The following PCDHGA10 variants were observed in gnomAD, a reference collection of about 807,000 sequenced individuals.
PCDHGA10 encodes protocadherin gamma subfamily A, 10, also known as protocadherin gamma-A10.
PCDHGA10 carries 42 observed loss-of-function variants against 59.5 expected under a neutral mutation model. The observed-to-expected ratio is 0.71, with a 90% CI of 0.55 to 0.91. PCDHGA10 has a LOEUF of 0.91. Among genes scored for constraint, PCDHGA10 ranks in the 40% least tolerant of loss-of-function variants. The pLI, the probability that PCDHGA10 is intolerant of heterozygous loss-of-function variation, is 0.00. For synonymous variants in PCDHGA10, 511 were observed against 517.2 expected (o/e 0.99, Z 0.16); for missense variants, 1,111 against 1,198.2 (o/e 0.93, Z 1.07).
intron 1 of PCDHGA10, chr5:141,422,014 C>T (rs1472942387): frequency 1.9e-6 from 3 of 1,610,040 alleles, no homozygotes; most frequent in African/African-American, 1.3e-5. Flanking sequence ...AACTCGGGTG[C>T]TGATGGTTAA....
At chr5:141,419,259 CG>C in intron 1 of PCDHGA10, 1 of 1,614,016 alleles carries the variant, frequency 6.2e-7, no homozygotes, top group Non-Finnish European at 8.5e-7. Context: ...AACAACCAGC[CG>C]GGTGCCTCCA....
chr5:141,477,502 C>A lies in PCDHGA10; in HGVS notation c.2437-17305C>A, dbSNP rs2099412065. On this transcript the variant is annotated intron_variant, in intron 1 of 3. Coordinates refer to ENST00000398610, the MANE Select transcript of PCDHGA10 (RefSeq NM_018913.3). This position sits in a 1 kb window ranked among gnomAD's most constrained non-coding sequence, Gnocchi z 4.9. ...CTCCACAATCTTCTCAATCTTCCTA[C>A]GACGTTTACATTGAAGAAAACAACC... The A allele has an allele frequency of 9.3e-6, 15 of 1,614,026 alleles. No homozygotes were observed. The highest frequency in any genetic ancestry group is 1.3e-5 in the Non-Finnish European group (15 of 1,180,026).
intron 3 of PCDHGA10, among the ~76,000 whole-genome samples, chr5:141,509,265 C>G (rs1296179995): frequency 1.3e-5 from 2 of 152,138 alleles, no homozygotes; most frequent in African/African-American, 4.8e-5. Flanking sequence ...TTTAGTCACT[C>G]TCGCTACCCG....
intron 1 of PCDHGA10, among the ~76,000 whole-genome samples, chr5:141,462,990 A>T (rs181384059): frequency 1.8e-3 from 278 of 152,244 alleles, no homozygotes; most frequent in Non-Finnish European, 3.4e-3. Context: ...GCCTTGGGCT[A>T]ATTTAGACCT....
intron 1 of PCDHGA10, among the ~76,000 whole-genome samples, chr5:141,461,345 G>A (rs1277222105): frequency 1.3e-5 from 2 of 152,102 alleles, no homozygotes; most frequent in African/African-American, 4.8e-5. Context: ...CAGGACCAAG[G>A]TGGTAGCTCG....
rs71576115 is a variant in PCDHGA10 at position 141,463,438 on chromosome 5, C to CTTTT, written c.2437-31344_2437-31341dup. Among the ~76,000 whole-genome samples, 106 of 103,254 alleles carry CTTTT rather than the reference C, an allele frequency of 1.0e-3. 8 individuals are homozygous for CTTTT. Among genetic ancestry groups the CTTTT allele is most frequent in the African/African-American group, 3.9e-3 (88 of 22,404 alleles). The allele number at this position is 103,254 out of a possible 152,430, so 67.7% of individuals were successfully genotyped here. ...GTTTGCGGATCCTCATTTCCTTCTC[C>CTTTT]TTTTTTTTTTTTTTTTTTTTTTTTT... is the stretch of plus-strand genomic sequence containing the variant. On this transcript the variant is annotated intron_variant, in intron 1 of 3. Transcript: ENST00000398610.
intron 1 of PCDHGA10, among the ~76,000 whole-genome samples, chr5:141,482,944 G>A (rs1362136222): frequency 6.6e-6 from 1 of 152,094 alleles, no homozygotes; most frequent in Non-Finnish European, 1.5e-5. Context: ...GTGGTTGTGG[G>A]TGCCTGTAAT....
intron 1 of PCDHGA10, chr5:141,430,959 T>A: frequency 6.2e-7 from 1 of 1,612,026 alleles, no homozygotes; most frequent in Non-Finnish European, 8.5e-7. Flanking sequence ...GTCCGCATCA[T>A]CCCCAGAGGT....
At chr5:141,418,077 T>G (rs770464447) in intron 1 of PCDHGA10, 4 of 1,613,914 alleles carry the variant, frequency 2.5e-6, no homozygotes, top group African/African-American at 1.3e-5. Context: ...GCGGAGAAGC[T>G]GCACTTCAGC....
intron 1 of PCDHGA10, among the ~76,000 whole-genome samples, chr5:141,481,913 C>CAAAA (rs34114744): frequency 1.1e-5 from 1 of 90,846 alleles, no homozygotes; most frequent in African/African-American, 4.2e-5. Context: ...AACTCCATCT[C>CAAAA]AAAAAAAAAA....
At position 141,490,076 on chromosome 5, in the gene PCDHGA10, A is replaced by G. The variant is rs1025569516; in HGVS notation, c.2437-4731A>G. 2.5e-6 allele frequency: 4 copies of G among 1,614,240 alleles called. No homozygotes were observed. The highest frequency in any genetic ancestry group is 1.3e-5 in the African/African-American group (1 of 75,070). Reference sequence around the variant, plus strand: ...GAGGGCACCAACGGCCAACTAGACTATTCTTTTGGAGACCACACATCTGAG... The same window carrying G: ...GAGGGCACCAACGGCCAACTAGACTGTTCTTTTGGAGACCACACATCTGAG... On this transcript the variant is annotated intron_variant, in intron 1 of 3. Coordinates refer to ENST00000398610, the MANE Select transcript of PCDHGA10 (RefSeq NM_018913.3). The surrounding 1 kb of genome is among the most constrained non-coding windows in gnomAD (Gnocchi z 5.4).
chr5:141,413,935 A>T lies in PCDHGA10; in HGVS notation c.760A>T (p.Ser254Cys). ...PVFTLPEYRV[S>C]VPENLPVGTQ... ...CTTCACCTTGCCAGAATACCGAGTG[A>T]GTGTTCCTGAGAATTTGCCTGTGGG... The change falls in exon 1 of 4, where the codon AGT (serine) becomes TGT (cysteine). Residue 254 changes from serine (S) to cysteine (C), a missense_variant. Transcript: ENST00000398610. 6.2e-7 allele frequency: 1 copy of T among 1,613,372 alleles called. No homozygotes were observed. Among genetic ancestry groups the T allele is most frequent in the Non-Finnish European group, 8.5e-7 (1 of 1,179,874 alleles).
chr5:141,419,769 CGGT>C, intron 1 of PCDHGA10: 1 of 1,614,006 alleles, frequency 6.2e-7, no homozygotes, highest in Non-Finnish European at 8.5e-7. Context: ...GACAAGGACT[CGGT>C]CCGCCAGCGC....
Position 141,511,151 on chromosome 5 carries a change from C to T in PCDHGA10, c.2789C>T (p.Ser930Leu), listed in dbSNP as rs202071188. The T allele has an allele frequency of 3.0e-5, 49 of 1,614,152 alleles. No individual in the cohort carries two copies. The highest frequency in any genetic ancestry group is 2.6e-4 in the South Asian group (24 of 91,066). The change falls in exon 4 of 4, where the codon TCG becomes TTG. Residue 930 changes from serine (S) to leucine (L), a missense_variant. Ser to Leu is a moderately radical substitution (Grantham distance 145, BLOSUM62 -2). Coordinates refer to ENST00000398610, the MANE Select transcript of PCDHGA10 (RefSeq NM_018913.3). ...GGTGGCAATGGCAACAAGAAGAAGT[C>T]GGGCAAGAAGGAGAAGAAGTAACAT... ...PAGGNGNKKK[S>L]GKKEKK
At chr5:141,423,049 C>T (rs1418805817) in intron 1 of PCDHGA10, 3 of 1,614,094 alleles carry the variant, frequency 1.9e-6, no homozygotes, top group East Asian at 2.2e-5. Flanking sequence ...GCTGTCCTAT[C>T]GCCTGCTTAA....
intron 1 of PCDHGA10, among the ~76,000 whole-genome samples, chr5:141,462,483 G>T (rs1402125086): frequency 2.0e-5 from 3 of 151,986 alleles, no homozygotes; most frequent in African/African-American, 7.3e-5. Context: ...TCTCGTGGTT[G>T]TTGTATCCTA....
chr5:141,501,419 C>A (rs910783867), intron 2 of PCDHGA10, among the ~76,000 whole-genome samples: 1 of 151,920 alleles, frequency 6.6e-6, no homozygotes, highest in Non-Finnish European at 1.5e-5. Flanking sequence ...AAATAGTTGA[C>A]TAAATGTAGT....
intron 1 of PCDHGA10, among the ~76,000 whole-genome samples, chr5:141,468,193 C>T (rs2099159672): frequency 6.6e-6 from 1 of 151,600 alleles, no homozygotes; most frequent in Non-Finnish European, 1.5e-5. Flanking sequence ...GGCATGGTGG[C>T]GGGTGCCTGT....
intron 1 of PCDHGA10, among the ~76,000 whole-genome samples, chr5:141,438,747 T>C (rs2098059577): frequency 6.7e-6 from 1 of 148,680 alleles, no homozygotes. Flanking sequence ...CTGCAACCTC[T>C]GCCTCCTGGG....
Sources: gnomAD v4.1 joint callset for allele counts (sites outside exome capture counted in the v4.1 genomes callset) on GRCh38, gnomAD v4.1.1 for gene constraint, Gnocchi (gnomAD v3.1) non-coding constraint, MANE v1.5 for transcripts, NCBI Gene and HGNC (gene_info 2026-07-23, HGNC 2026-07-21) for gene names.